Variants in AQR observed in about 807,000 individuals in gnomAD.
The protein encoded by AQR is RNA helicase aquarius.
In AQR, 61 loss-of-function variants were observed where a neutral mutation model predicts 180.5. The ratio of observed to expected loss-of-function variants is 0.34; its 90% confidence interval spans 0.28 to 0.42. The LOEUF (loss-of-function observed/expected upper bound fraction) is 0.42. Ranked by LOEUF, AQR falls within the 10% of genes least tolerant of loss-of-function variation. The probability of loss-of-function intolerance (pLI) is 1.00; values close to 1 mark genes in which losing one functional copy is unlikely to be tolerated. For synonymous variants in AQR, 551 were observed against 588.8 expected (o/e 0.94, Z 0.93); for missense variants, 1,281 against 1,798.3 (o/e 0.71, Z 5.20).
chr15:34,905,094 T>G (rs1893389572), intron 18 of AQR, among the ~76,000 whole-genome samples: 2 of 128,772 alleles, frequency 1.6e-5, no homozygotes, highest in East Asian at 2.7e-4. Context: ...TCTCCTCTTT[T>G]TTGGGGGGGG....
intron 32 of AQR, 74 bp from the exon 33 acceptor site, chr15:34,863,115 GA>G: frequency 7.5e-7 from 1 of 1,329,166 alleles, no homozygotes; most frequent in Non-Finnish European, 1.0e-6. Flanking sequence ...TTTTTTCACA[GA>G]TTTCATTAGA....
chr15:34,880,808 T>C (rs1247022205), intron 27 of AQR, among the ~76,000 whole-genome samples: 2 of 152,176 alleles, frequency 1.3e-5, no homozygotes, highest in African/African-American at 4.8e-5. Flanking sequence ...AAATTTACCA[T>C]TCTTGACTGA....
intron 27 of AQR, among the ~76,000 whole-genome samples, chr15:34,879,445 G>A (rs1337787558): frequency 3.3e-5 from 5 of 152,106 alleles, no homozygotes; most frequent in Non-Finnish European, 5.9e-5. Context: ...AGAGAACTGC[G>A]CATGCTTGAA....
intron 19 of AQR, among the ~76,000 whole-genome samples, chr15:34,903,263 G>C (rs972612892): frequency 6.6e-6 from 1 of 152,170 alleles, no homozygotes; most frequent in African/African-American, 2.4e-5. Flanking sequence ...GAGGACACCA[G>C]AAGACAGATA....
chr15:34,867,367 A>G (rs1400999964), intron 32 of AQR, among the ~76,000 whole-genome samples, 157 bp downstream of exon 32: 1 of 152,194 alleles, frequency 6.6e-6, no homozygotes, highest in African/African-American at 2.4e-5. Flanking sequence ...GAATAGTTAC[A>G]AGGAATTTGA....
chr15:34,939,093 G>A (rs1440101079), intron 8 of AQR, among the ~76,000 whole-genome samples: 1 of 152,118 alleles, frequency 6.6e-6, no homozygotes, highest in Non-Finnish European at 1.5e-5. Context: ...TTTTGAGGTG[G>A]AATCTCGCTC....
At chr15:34,944,584 T>C (rs1341542793) in intron 5 of AQR, among the ~76,000 whole-genome samples, 156 bp from the exon 6 acceptor site, 1 of 152,238 alleles carries the variant, frequency 6.6e-6, no homozygotes, top group Non-Finnish European at 1.5e-5. Flanking sequence ...TGCTTACTTA[T>C]AATTAATGGC....
intron 23 of AQR, 50 bp from the exon 24 acceptor site, chr15:34,890,374 C>T (rs747445003): frequency 1.4e-6 from 2 of 1,470,628 alleles, no homozygotes; most frequent in Non-Finnish European, 1.9e-6. Flanking sequence ...GTAGCAAAAA[C>T]TAACATTTAG....
intron 8 of AQR, 24 bp from the exon 9 acceptor site, chr15:34,938,837 C>A: frequency 6.6e-7 from 1 of 1,525,682 alleles, no homozygotes; most frequent in Non-Finnish European, 9.0e-7. Flanking sequence ...GAACATTGAC[C>A]AATTATTTTT....
intron 17 of AQR, 97 bp from the exon 18 acceptor site, chr15:34,906,809 G>A: frequency 3.4e-6 from 4 of 1,191,530 alleles, no homozygotes; most frequent in Non-Finnish European, 4.6e-6. Context: ...CTTATCTTTG[G>A]TAGAGAGATA....
At chr15:34,878,842 A>C (rs1319267675) in intron 27 of AQR, among the ~76,000 whole-genome samples, 1 of 152,174 alleles carries the variant, frequency 6.6e-6, no homozygotes, top group Non-Finnish European at 1.5e-5. Context: ...AACCTGGCCA[A>C]CATGGTAAAA....
intron 19 of AQR, among the ~76,000 whole-genome samples, chr15:34,901,645 T>C (rs899657154): frequency 3.3e-5 from 5 of 152,238 alleles, no homozygotes; most frequent in Non-Finnish European, 7.3e-5. Context: ...ATAACTGTTA[T>C]ACAACTTTTG....
intron 13 of AQR, among the ~76,000 whole-genome samples, chr15:34,922,927 T>C (rs1169467000): frequency 2.0e-5 from 3 of 152,210 alleles, no homozygotes; most frequent in Non-Finnish European, 4.4e-5. Context: ...TTGACATCTA[T>C]CTACCTACTT....
intron 5 of AQR, among the ~76,000 whole-genome samples, chr15:34,947,216 A>G (rs1249283931): frequency 2.6e-5 from 4 of 151,640 alleles, no homozygotes. Flanking sequence ...CTTACCCCCA[A>G]CCCTGTGCTC....
chr15:34,936,145 T>C lies in AQR; in HGVS notation c.719-1510A>G, dbSNP rs144138932. ...ATATCCTTATCATTTGTCTCAGCTATACTGTAACTTTTTTTCCCTTCTAAC... is the reference window on the plus strand; with the variant it reads ...ATATCCTTATCATTTGTCTCAGCTACACTGTAACTTTTTTTCCCTTCTAAC... On this transcript the variant is annotated intron_variant, in intron 9 of 34. Transcript: ENST00000156471. Among the ~76,000 whole-genome samples the C allele has an allele frequency of 3.1e-4, 47 of 152,362 alleles. No homozygotes were observed. The East Asian group carries it at 8.1e-3, about 26-fold the overall frequency.
In AQR at chr15:34,854,396, A is replaced by G. The variant is rs1428504173; in HGVS notation, c.*2396T>C. 1.3e-5 allele frequency: 2 copies of G among 152,184 alleles called. No individual in the cohort carries two copies. The highest frequency in any genetic ancestry group is 4.8e-5 in the African/African-American group (2 of 41,454). 9.4% of individuals were successfully genotyped at this position (152,184 alleles called of 1,614,324 possible). ...ATATAGAAAACTCTTGAATTTATTA[A>G]GCAATCCCTCATGTGTGCTTGATTG... On this transcript the variant is annotated 3_prime_UTR_variant, in exon 35 of 35. Coordinates refer to ENST00000156471, the MANE Select transcript of AQR (RefSeq NM_014691.3).
chr15:34,896,415 G>A (rs970262652), intron 22 of AQR, among the ~76,000 whole-genome samples: 5 of 152,066 alleles, frequency 3.3e-5, no homozygotes, highest in Admixed American at 1.3e-4. Flanking sequence ...ACACTGAAGC[G>A]AGCAGCAAGA....
intron 10 of AQR, among the ~76,000 whole-genome samples, chr15:34,933,352 C>T (rs1472700125): frequency 6.6e-6 from 1 of 152,100 alleles, no homozygotes; most frequent in African/African-American, 2.4e-5. Context: ...GATTTTCTTT[C>T]AATTTCTCTC....
In AQR at chr15:34,853,175, G is replaced by A. The variant is rs939935632; in HGVS notation, c.*3617C>T. The A allele has an allele frequency of 9.9e-5, 15 of 151,454 alleles. No individual in the cohort carries two copies. The highest frequency in any genetic ancestry group is 3.6e-4 in the African/African-American group (15 of 41,152). The allele number at this position is 151,454 out of a possible 1,614,324, so 9.4% of individuals were successfully genotyped here. A position where few individuals can be genotyped will look rare whatever the true frequency, so the allele number is the denominator to read the frequency against. ...ACATGATTGCTAAATAATTACACAG[G>A]CTAACTGCCAAGCATTTTTCACAGG... On this transcript the variant is annotated 3_prime_UTR_variant, in exon 35 of 35. Transcript: ENST00000156471.
Sources: gnomAD v4.1 joint callset for allele counts (sites outside exome capture counted in the v4.1 genomes callset) on GRCh38, gnomAD v4.1.1 for gene constraint, MANE v1.5 for transcripts, NCBI Gene and HGNC (gene_info 2026-07-23, HGNC 2026-07-21) for gene names.